The following NFASC variants were observed in gnomAD, a reference collection of about 807,000 sequenced individuals.
NFASC encodes the protein neurofascin.
Under a neutral mutation model 147.5 loss-of-function variants are expected in NFASC, and 43 were observed. The ratio of observed to expected loss-of-function variants is 0.29; its 90% CI spans 0.23 to 0.38. The LOEUF is 0.38. Ranked by LOEUF, NFASC falls within the 10% of genes least tolerant of loss-of-function variation. The probability of loss-of-function intolerance (pLI) is 1.00; values close to 1 mark genes in which losing one functional copy is unlikely to be tolerated. For synonymous variants in NFASC, 622 were observed against 665.5 expected (o/e 0.93, Z 1.01); for missense variants, 1,320 against 1,689.0 (o/e 0.78, Z 3.83).
chr1:204,978,872 G>T, intron 17 of NFASC, 96 bp from the exon 18 acceptor site: 1 of 956,022 alleles, frequency 1.0e-6, no homozygotes, highest in Non-Finnish European at 1.6e-6. Flanking sequence ...AGCTGGTAGC[G>T]AAGACAGCCC....
chr1:204,946,219 G>A (rs115561045), intron 3 of NFASC: 5,429 of 432,196 alleles, frequency 0.013, 68 homozygotes, highest in Non-Finnish European at 0.018. Context: ...AATGGTTGGT[G>A]GAAACAAAAA....
intron 28 of NFASC, among the ~76,000 whole-genome samples, chr1:205,011,968 A>T (rs1288268329): frequency 6.6e-6 from 1 of 152,042 alleles, no homozygotes; most frequent in East Asian, 1.9e-4. Flanking sequence ...AATCCCAGCT[A>T]TTTGGGAGGC....
intron 12 of NFASC, among the ~76,000 whole-genome samples, chr1:204,973,904 G>A (rs2095331692): frequency 6.6e-6 from 1 of 152,206 alleles, no homozygotes; most frequent in South Asian, 2.1e-4. Flanking sequence ...TTAGGGCTGT[G>A]ATGGGGCAGC....
intron 3 of NFASC, chr1:204,948,736 T>TGAGTCA: frequency 1.9e-6 from 1 of 518,718 alleles, no homozygotes; most frequent in South Asian, 1.4e-5. Context: ...CTCTTTCCAT[T>TGAGTCA]GAGTCAGCCT....
intron 1 of NFASC, among the ~76,000 whole-genome samples, chr1:204,832,772 T>A (rs986108802): frequency 2.0e-5 from 3 of 152,204 alleles, no homozygotes; most frequent in African/African-American, 7.2e-5. Context: ...GCACAAGAAC[T>A]GCTATAATTG....
At chr1:204,860,491 A>T (rs1303595623) in intron 1 of NFASC, among the ~76,000 whole-genome samples, 1 of 152,234 alleles carries the variant, frequency 6.6e-6, no homozygotes, top group Non-Finnish European at 1.5e-5. Flanking sequence ...CAGAGCCATC[A>T]GCTGCTGCTC....
chr1:204,944,455 A>AT, intron 3 of NFASC, 49 bp downstream of exon 3: 11 of 385,354 alleles, frequency 2.9e-5, no homozygotes, highest in Non-Finnish European at 5.6e-5. Flanking sequence ...TTTTGGGCAG[A>AT]GGGGTGGGAG....
chr1:204,977,659 A>G (rs1228226561), intron 16 of NFASC, 22 bp from the exon 17 acceptor site: 2 of 1,606,440 alleles, frequency 1.2e-6, no homozygotes, highest in African/African-American at 1.3e-5. Context: ...GCTAACCTGG[A>G]TAACCCGTCT....
chr1:205,008,300 T>C (rs1356864975), intron 27 of NFASC: 1 of 152,546 alleles, frequency 6.6e-6, no homozygotes, highest in Non-Finnish European at 1.5e-5. Context: ...ACAAATGGCA[T>C]GTGCTGAAGA....
chr1:204,977,140 A>G (rs1224167240), intron 16 of NFASC: 2 of 1,136,226 alleles, frequency 1.8e-6, no homozygotes, highest in Non-Finnish European at 2.2e-6. Flanking sequence ...ATCCATCCTT[A>G]AAGCAAGACT....
At chr1:204,913,723 T>G (rs2088337304) in intron 1 of NFASC, among the ~76,000 whole-genome samples, 1 of 151,454 alleles carries the variant, frequency 6.6e-6, no homozygotes. Context: ...TATAAAAAAT[T>G]TAAAAAATAG....
At position 205,003,615 on chromosome 1, in the gene NFASC, A is replaced by G. The variant is rs147744737; in HGVS notation, c.3289+867A>G. ...AAGGGTAAGGGTGGGGAAAGAGATT[A>G]AGAGAGAAAAGGATCAGTACCTTGC... On this transcript the variant is annotated intron_variant, in intron 27 of 29. Transcript: ENST00000339876. Among the ~76,000 whole-genome samples, 835 of 152,148 alleles carry G rather than the reference A, an allele frequency of 5.5e-3. 7 individuals are homozygous for G. Among genetic ancestry groups the G allele is most frequent in the African/African-American group, 0.019 (784 of 41,492 alleles).
At chr1:205,009,762 C>T in intron 28 of NFASC, 74 bp downstream of exon 28, 1 of 1,484,348 alleles carries the variant, frequency 6.7e-7, no homozygotes, top group Non-Finnish European at 9.2e-7. Flanking sequence ...GGTCTCCAGC[C>T]AGATCCGGGG....
At chr1:204,933,251 C>T (rs2092526997) in intron 2 of NFASC, among the ~76,000 whole-genome samples, 1 of 152,046 alleles carries the variant, frequency 6.6e-6, no homozygotes, top group South Asian at 2.1e-4. Context: ...GAGGTTATTG[C>T]CGTAGTGTAT....
intron 8 of NFASC, chr1:204,967,962 C>T: frequency 1.1e-5 from 3 of 265,906 alleles, no homozygotes; most frequent in South Asian, 5.8e-5. Context: ...TCAGACAGCC[C>T]CTCCCCGTTC....
intron 1 of NFASC, chr1:204,870,822 G>C (rs769760084): frequency 7.6e-6 from 9 of 1,178,998 alleles, no homozygotes; most frequent in Non-Finnish European, 9.6e-6. Context: ...GGAGGTGGCC[G>C]ATGGGGGTGA....
chr1:204,979,221 C>CTG lies in NFASC; in HGVS notation c.1979-138_1979-137dup. The CTG allele has an allele frequency of 2.1e-6, 2 of 954,338 alleles. No homozygotes were observed. Among genetic ancestry groups the CTG allele is most frequent in the Non-Finnish European group, 3.3e-6 (2 of 612,910 alleles). 59.1% of individuals were successfully genotyped at this position (954,338 alleles called of 1,614,324 possible). A position where few individuals can be genotyped will look rare whatever the true frequency, so the allele number is the denominator to read the frequency against. ...TGTACAGAGGCCTTGGTGTCTCTTC[C>CTG]TGTGCCTTGGGAAGAATTCTCCTTG... On this transcript the variant is annotated intron_variant, in intron 18 of 29. Transcript: ENST00000339876. This position sits in a 1 kb window ranked among gnomAD's most constrained non-coding sequence, Gnocchi z 6.0.
At chr1:204,938,484 CA>C (rs1443229686) in intron 2 of NFASC, among the ~76,000 whole-genome samples, 2 of 152,192 alleles carry the variant, frequency 1.3e-5, no homozygotes, top group East Asian at 3.8e-4. Flanking sequence ...CCCCATTTTT[CA>C]GATGATAAAT....
Position 204,954,993 on chromosome 1 carries a change from T to G in NFASC, c.535+42T>G. ...TGGTGTTGTGTTTATATCTTAACCT[T>G]AGGGGGTGGGGTGGGTGTGTTAAGT... On this transcript the variant is annotated intron_variant, in intron 7 of 29. Coordinates refer to ENST00000339876, the MANE Select transcript of NFASC (RefSeq NM_001005388.3). The surrounding 1 kb of genome is among the most constrained non-coding windows in gnomAD (Gnocchi z 5.7). 1.3e-6 allele frequency: 2 copies of G among 1,571,094 alleles called. No individual in the cohort carries two copies. Among genetic ancestry groups the G allele is most frequent in the Non-Finnish European group, 1.7e-6 (2 of 1,151,784 alleles).
Sources: gnomAD v4.1 joint callset for allele counts (sites outside exome capture counted in the v4.1 genomes callset) on GRCh38, gnomAD v4.1.1 for gene constraint, Gnocchi (gnomAD v3.1) non-coding constraint, MANE v1.5 for transcripts, NCBI Gene and HGNC (gene_info 2026-07-23, HGNC 2026-07-21) for gene names.